Variants in PFKFB3 observed in about 807,000 individuals in gnomAD.
PFKFB3 encodes the protein 6-phosphofructo-2-kinase/fructose-2,6-biphosphatase 3.
PFKFB3 carries 33 observed loss-of-function variants against 68.0 expected under a neutral mutation model. The observed-to-expected ratio is 0.49, with a 90% confidence interval of 0.37 to 0.65. PFKFB3 has a LOEUF of 0.65. Ranked by LOEUF, PFKFB3 falls within the 30% of genes least tolerant of loss-of-function variation. The pLI is 0.00. For synonymous variants in PFKFB3, 315 were observed against 288.2 expected, an observed-to-expected ratio of 1.09 and a Z score of -0.94; for missense variants, 586 against 712.2, an observed-to-expected ratio of 0.82 and a Z score of 2.02.
At chr10:6,271,187 C>T in the PFKFB3 span, among the ~76,000 whole-genome samples, 1 of 152,248 alleles carries the variant, frequency 6.6e-6, no homozygotes, top group African/African-American at 2.4e-5. Flanking sequence ...TCTTCCAGAA[C>T]ACCAGTGGCC....
chr10:6,322,353 C>T, the PFKFB3 span, among the ~76,000 whole-genome samples: 2 of 152,216 alleles, frequency 1.3e-5, no homozygotes, highest in Non-Finnish European at 1.5e-5. Flanking sequence ...TACCACTTTT[C>T]ACCTCTGTCA....
At position 6,235,021 on chromosome 10, in the gene PFKFB3, C is replaced by T. The variant is rs113438580; in HGVS notation, c.*2079C>T. On this transcript the variant is annotated 3_prime_UTR_variant, in exon 15 of 15. Transcript: ENST00000379775. ...CTTTTGAGGGGACATTGGACGGGGG[C>T]CGGGGGCGGGGGTTGGGTTTGAGCT... 9.3e-6 allele frequency: 1 copy of T among 107,110 alleles called. No individual in the cohort carries two copies. Among genetic ancestry groups the T allele is most frequent in the Non-Finnish European group, 2.0e-5 (1 of 51,274 alleles). 6.6% of individuals were successfully genotyped at this position (107,110 alleles called of 1,614,324 possible).
At chr10:6,277,519 C>T in the PFKFB3 span, among the ~76,000 whole-genome samples, 1 of 152,184 alleles carries the variant, frequency 6.6e-6, no homozygotes. Context: ...CCACACCCGG[C>T]CGTGGGGGTG....
chr10:6,307,669 C>G, the PFKFB3 span, among the ~76,000 whole-genome samples: 1 of 151,650 alleles, frequency 6.6e-6, no homozygotes, highest in Admixed American at 6.6e-5. Flanking sequence ...CTGTATTGTC[C>G]CGATTGAGAA....
At chr10:6,199,129 C>T (rs1035283782), upstream of PFKFB3, among the ~76,000 whole-genome samples, 2 of 152,188 alleles carry the variant, frequency 1.3e-5, no homozygotes, top group African/African-American at 4.8e-5. Context: ...TTCTCTCCCT[C>T]ATACATGGGA....
chr10:6,280,062 C>T, the PFKFB3 span, among the ~76,000 whole-genome samples: 2 of 152,138 alleles, frequency 1.3e-5, no homozygotes, highest in African/African-American at 4.8e-5. Context: ...ACACCTGGCT[C>T]GTTACCTTTG....
the PFKFB3 span, among the ~76,000 whole-genome samples, chr10:6,322,841 G>A: frequency 2.6e-5 from 4 of 152,144 alleles, no homozygotes; most frequent in Non-Finnish European, 5.9e-5. Flanking sequence ...ATTCTCTGTC[G>A]TGACTCTTTT....
At chr10:6,181,896 G>A (rs145245100) in intron 1 of PFKFB3, among the ~76,000 whole-genome samples, 48 of 152,086 alleles carry the variant, frequency 3.2e-4, no homozygotes, top group African/African-American at 1.1e-3. Flanking sequence ...GAATGGAGGT[G>A]GCCAGGGGCT....
chr10:6,214,407 T>C (rs1844428648), intron 2 of PFKFB3, among the ~76,000 whole-genome samples: 1 of 152,144 alleles, frequency 6.6e-6, no homozygotes, highest in Non-Finnish European at 1.5e-5. Flanking sequence ...ACGAAAGTGG[T>C]CCCTGGTGCC....
At chr10:6,222,540 T>C (rs926937729) in intron 10 of PFKFB3, among the ~76,000 whole-genome samples, 3 of 152,170 alleles carry the variant, frequency 2.0e-5, no homozygotes, top group Non-Finnish European at 2.9e-5. Context: ...GCCCGTCTGC[T>C]TCCTGCATCT....
Position 6,154,274 on chromosome 10 carries a change from C to G in PFKFB3, c.16+9261C>G, listed in dbSNP as rs540358290. Among the ~76,000 whole-genome samples, 185 of 149,536 alleles carry G rather than the reference C, an allele frequency of 1.2e-3. No individual in the cohort carries two copies. The highest frequency in any genetic ancestry group is 4.2e-3 in the African/African-American group (170 of 40,544). ...TTTTTTTTTTTTTTTGAGGCAGGGTCCCACTCTGTTGGCCAGGCTGGAGTG... is the reference window on the plus strand; with the variant it reads ...TTTTTTTTTTTTTTTGAGGCAGGGTGCCACTCTGTTGGCCAGGCTGGAGTG... On this transcript the variant is annotated intron_variant, in intron 1 of 14. Transcript: ENST00000379789. This position sits in a 1 kb window ranked among gnomAD's most constrained non-coding sequence, Gnocchi z 4.6.
chr10:6,288,838 T>G, the PFKFB3 span, among the ~76,000 whole-genome samples: 2 of 152,176 alleles, frequency 1.3e-5, no homozygotes, highest in Non-Finnish European at 2.9e-5. Flanking sequence ...AAAGTGTTCC[T>G]ATTTCTCCAC....
At chr10:6,290,233 A>G in the PFKFB3 span, among the ~76,000 whole-genome samples, 3 of 151,936 alleles carry the variant, frequency 2.0e-5, no homozygotes, top group Admixed American at 6.6e-5. Context: ...CAGAACTTCC[A>G]ACACTATGTT....
rs1491283026 is a variant in PFKFB3 at position 6,177,430 on chromosome 10, T to TC, written c.16+32417_16+32418insC. On this transcript the variant is annotated intron_variant, in intron 1 of 14. Transcript: ENST00000379789. Reference sequence around the variant, plus strand: ...TTTCTTCTTTCTCTTTCTTCCTTTCTTTTCTTTCTCTTTCTTTCTTTCTTT... The same window carrying TC: ...TTTCTTCTTTCTCTTTCTTCCTTTCTCTTTCTTTCTCTTTCTTTCTTTCTTT... Among the ~76,000 whole-genome samples, 232 of 67,170 alleles carry TC rather than the reference T, an allele frequency of 3.5e-3. 1 individual carries two copies. Among genetic ancestry groups the TC allele is most frequent in the Middle Eastern group, 0.024 (4 of 170 alleles). 44.1% of individuals were successfully genotyped at this position (67,170 alleles called of 152,430 possible).
rs1395752538 is a variant in PFKFB3, at chr10:6,154,652, CTG to C, written c.16+9640_16+9641del. ...GAGGCAGGAGACCAGGTGGGAGTCT[CTG>C]GGCCTGCTGCAGGTGGCTGCGATCA... On this transcript the variant is annotated intron_variant, in intron 1 of 14. Coordinates refer to the PFKFB3 transcript ENST00000379789. This position sits in a 1 kb window ranked among gnomAD's most constrained non-coding sequence, Gnocchi z 4.6. Among the ~76,000 whole-genome samples the C allele has an allele frequency of 1.3e-5, 2 of 152,180 alleles. No homozygotes were observed. Among genetic ancestry groups the C allele is most frequent in the African/African-American group, 4.8e-5 (2 of 41,434 alleles).
At chr10:6,189,032 G>A (rs570048298) in intron 1 of PFKFB3, among the ~76,000 whole-genome samples, 4 of 152,160 alleles carry the variant, frequency 2.6e-5, no homozygotes, top group African/African-American at 7.2e-5. Flanking sequence ...GTGGAAACGG[G>A]GTTTCACTGT....
chr10:6,224,342 G>A, intron 13 of PFKFB3, 129 bp downstream of exon 13: 2 of 798,718 alleles, frequency 2.5e-6, no homozygotes, highest in South Asian at 1.5e-5. Flanking sequence ...GGGCCTGCTG[G>A]CTGCCTTCCT....
chr10:6,286,283 C>T, the PFKFB3 span, among the ~76,000 whole-genome samples: 1 of 151,186 alleles, frequency 6.6e-6, no homozygotes, highest in Non-Finnish European at 1.5e-5. Context: ...GGCCCTTTCA[C>T]TTTTAATCTA....
At chr10:6,178,718 C>T (rs2131777804) in intron 1 of PFKFB3, among the ~76,000 whole-genome samples, 1 of 152,348 alleles carries the variant, frequency 6.6e-6, no homozygotes, top group South Asian at 2.1e-4. Context: ...AAAGGATTTA[C>T]TGCTGTCAGA....
Sources: gnomAD v4.1 joint callset for allele counts (sites outside exome capture counted in the v4.1 genomes callset) on GRCh38, gnomAD v4.1.1 for gene constraint, Gnocchi (gnomAD v3.1) non-coding constraint, MANE v1.5 for transcripts, NCBI Gene and HGNC (gene_info 2026-07-23, HGNC 2026-07-21) for gene names.